ADGRV1: variants seen among roughly 807,000 people sequenced by gnomAD.
ADGRV1 encodes adhesion G protein-coupled receptor V1.
Under a neutral mutation model 596.2 loss-of-function variants are expected in ADGRV1, and 359 were observed. The ratio of observed to expected loss-of-function variants is 0.60; its 90% CI spans 0.55 to 0.66. ADGRV1 has a LOEUF of 0.66. Ranked by LOEUF, ADGRV1 falls within the 30% of genes least tolerant of loss-of-function variation. The probability of loss-of-function intolerance (pLI) is 0.00; values close to 1 mark genes in which losing one functional copy is unlikely to be tolerated. For synonymous variants in ADGRV1, 2,681 were observed against 2,679.2 expected, an observed-to-expected ratio of 1.00 and a Z score of -0.02; for missense variants, 7,274 against 7,575.6, an observed-to-expected ratio of 0.96 and a Z score of 1.48.
At chr5:91,039,492 G>T (rs6888594) in intron 85 of ADGRV1, among the ~76,000 whole-genome samples, 2,527 of 152,306 alleles carry the variant, frequency 0.017, 78 homozygotes, top group African/African-American at 0.057. Flanking sequence ...TCCAAGTTGG[G>T]TCACTTGCTT....
chr5:90,961,506 A>AGG (rs1562004725), intron 83 of ADGRV1, among the ~76,000 whole-genome samples: 1 of 103,754 alleles, frequency 9.6e-6, no homozygotes, highest in East Asian at 3.7e-4. Flanking sequence ...AAAAAAAAAA[A>AGG]AGGGGGGGTG....
intron 87 of ADGRV1, among the ~76,000 whole-genome samples, chr5:91,122,618 G>A (rs1793422089): frequency 6.6e-6 from 1 of 152,152 alleles, no homozygotes; most frequent in Non-Finnish European, 1.5e-5. Flanking sequence ...AGTTTTTATT[G>A]GATTGTATCT....
At chr5:90,762,379 T>C (rs1756604268) in intron 58 of ADGRV1, among the ~76,000 whole-genome samples, 1 of 152,144 alleles carries the variant, frequency 6.6e-6, no homozygotes, top group Non-Finnish European at 1.5e-5. Flanking sequence ...TGACACACAA[T>C]AGAAGCTCAT....
chr5:91,095,203 A>C (rs1339884513), intron 86 of ADGRV1, among the ~76,000 whole-genome samples: 1 of 151,490 alleles, frequency 6.6e-6, no homozygotes, highest in African/African-American at 2.4e-5. Context: ...TTGCAAACCC[A>C]GTATTTTTTT....
rs771551901 is a variant in ADGRV1, at chr5:90,644,717, G to A, written c.2746G>A (p.Val916Ile). The A allele has an allele frequency of 1.2e-6, 2 of 1,608,112 alleles. No individual in the cohort carries two copies. The highest frequency in any genetic ancestry group is 1.7e-5 in the Admixed American group (1 of 59,194). Residue 916 changes from valine to isoleucine, a missense_variant, in exon 15 of 90, where the codon GTA becomes ATA. Physicochemically the swap from Val to Ile is conservative, Grantham distance 29. This residue lies in a region of ADGRV1 where 1,715 missense variants were observed against 1,708.8 expected (regional missense o/e 1.00). Transcript: ENST00000405460. Reference protein sequence around the residue: ...GDAIYSAVYDVVRNRGNFGDV... With the variant: ...GDAIYSAVYDIVRNRGNFGDV... ...TTTCCATTTCACAGCTGTTTATGAT[G>A]TAGTAAGAAATCGAGGCAACTTTGG...
intron 20 of ADGRV1, among the ~76,000 whole-genome samples, chr5:90,656,979 A>G (rs1052299782): frequency 3.9e-5 from 6 of 152,068 alleles, no homozygotes; most frequent in Admixed American, 1.3e-4. Context: ...TTTTACATCT[A>G]TTCTCTTAGT....
At chr5:90,762,891 C>T (rs1157896375) in intron 58 of ADGRV1, 1 of 154,004 alleles carries the variant, frequency 6.5e-6, no homozygotes, top group Non-Finnish European at 1.4e-5. Flanking sequence ...TCTTATTCAG[C>T]TGGCAGCTCT....
At chr5:90,784,504 C>T (rs534544030) in intron 67 of ADGRV1, among the ~76,000 whole-genome samples, 8 of 152,126 alleles carry the variant, frequency 5.3e-5, no homozygotes, top group Non-Finnish European at 8.8e-5. Context: ...GACACAATTG[C>T]GAGTGCTGTT....
intron 1 of ADGRV1, 46 bp downstream of exon 1, chr5:90,558,963 A>G (rs1409838183): frequency 1.3e-6 from 2 of 1,527,828 alleles, no homozygotes; most frequent in Non-Finnish European, 1.8e-6. Context: ...GCTGAGCCCC[A>G]GGGGAGCGCC....
intron 85 of ADGRV1, among the ~76,000 whole-genome samples, chr5:91,029,276 T>A (rs1010094098): frequency 3.2e-4 from 49 of 152,234 alleles, no homozygotes; most frequent in Non-Finnish European, 1.3e-4. Flanking sequence ...ATCAATATAA[T>A]GTTTTAGATG....
At chr5:90,905,782 T>TGAAA (rs1460093677) in intron 83 of ADGRV1, among the ~76,000 whole-genome samples, 4 of 152,144 alleles carry the variant, frequency 2.6e-5, no homozygotes, top group Non-Finnish European at 5.9e-5. Flanking sequence ...ATAATGGTAG[T>TGAAA]GAAAGTAGGC....
Position 91,150,161 on chromosome 5 carries a change from G to A in ADGRV1, c.18564G>A (p.Met6188Ile). ...STAFFTPGSGMPPAGGEISKS... is the reference protein window; with the variant it reads ...STAFFTPGSGIPPAGGEISKS... Reference sequence around the variant, plus strand: ...CCTTTTTCACGCCCGGGAGTGGAATGCCTCCTGCTGGAGGGGAAATCAGCA... The same window carrying A: ...CCTTTTTCACGCCCGGGAGTGGAATACCTCCTGCTGGAGGGGAAATCAGCA... Residue 6188 changes from methionine (M) to isoleucine (I), a missense_variant, in exon 88 of 90, where the codon ATG becomes ATA. By Grantham distance (10) the Met-to-Ile change is conservative (BLOSUM62 1). Around this residue, in one of 5 missense-constraint regions of ADGRV1, gnomAD observed 1,874 missense variants for 1,970.2 expected, o/e 0.95. Transcript: ENST00000405460. 2 of 1,596,060 alleles carry A rather than the reference G, an allele frequency of 1.3e-6. No homozygotes were observed. Among genetic ancestry groups the A allele is most frequent in the Non-Finnish European group, 1.7e-6 (2 of 1,172,562 alleles).
rs2150769630 is a variant in ADGRV1, at chr5:90,926,377, A to C, written c.17857-39038A>C. Among the ~76,000 whole-genome samples, 3 of 150,066 alleles carry C rather than the reference A, an allele frequency of 2.0e-5. No homozygotes were observed. The South Asian group carries it at 6.4e-4, about 32-fold the overall frequency. On this transcript the variant is annotated intron_variant, in intron 83 of 89. Transcript: ENST00000405460. ...TAGTCTTGGGAGAGTGTATGTGTCG[A>C]GGAATTTATCCATTTCTTCTAGATT...
intron 77 of ADGRV1, among the ~76,000 whole-genome samples, chr5:90,834,205 T>G (rs1764764358): frequency 6.6e-6 from 1 of 152,234 alleles, no homozygotes; most frequent in Non-Finnish European, 1.5e-5. Flanking sequence ...TATAGTATTC[T>G]GTAATTTTCT....
At chr5:90,767,614 G>T (rs578094832) in intron 59 of ADGRV1, among the ~76,000 whole-genome samples, 7 of 150,866 alleles carry the variant, frequency 4.6e-5, no homozygotes, top group African/African-American at 1.7e-4. Flanking sequence ...AACATTAAAA[G>T]CTCAGTAGGT....
chr5:90,569,354 GATATATATAT>G lies in ADGRV1; in HGVS notation c.22+10462_22+10471del, dbSNP rs1185532852. Among the ~76,000 whole-genome samples, 73 of 12,792 alleles carry G rather than the reference GATATATATAT, an allele frequency of 5.7e-3. 1 individual carries two copies. The highest frequency in any genetic ancestry group is 0.012 in the South Asian group (3 of 244). The allele number at this position is 12,792 out of a possible 152,430, so 8.4% of individuals were successfully genotyped here. On this transcript the variant is annotated intron_variant, in intron 1 of 89. Transcript: ENST00000405460. ...GCTTTCTTTTGGTTTCTGTTTGCAT[GATATATATAT>G]ATATATATATATATATATATATATT...
intron 83 of ADGRV1, among the ~76,000 whole-genome samples, chr5:90,932,575 G>T (rs530278208): frequency 6.6e-6 from 1 of 152,132 alleles, no homozygotes; most frequent in Admixed American, 6.5e-5. Flanking sequence ...GATATCAAGT[G>T]TTCACTAAAA....
In ADGRV1 at chr5:90,763,448, T is replaced by C. The variant is rs760778915; in HGVS notation, c.12264T>C (p.Asn4088=). Reference sequence around the variant, plus strand: ...CTAAACATAACCTTAGTCCTTTGAATGGGACCCTTCATTTTGATGAGGTAT... The same window carrying C: ...CTAAACATAACCTTAGTCCTTTGAACGGGACCCTTCATTTTGATGAGGTAT... ...EKAKHNLSPL[N]GTLHFDETES... is the part of the protein sequence containing the mutation. The change falls in exon 59 of 90, where the codon AAT becomes AAC. Residue 4088 remains asparagine, a synonymous_variant. Transcript: ENST00000405460. The C allele has an allele frequency of 6.2e-7, 1 of 1,613,118 alleles. No individual in the cohort carries two copies. The highest frequency in any genetic ancestry group is 1.3e-5 in the African/African-American group (1 of 75,050).
chr5:90,658,129 G>A lies in ADGRV1; in HGVS notation c.4603G>A (p.Glu1535Lys), dbSNP rs761612567. The A allele has an allele frequency of 1.2e-5, 19 of 1,613,698 alleles. No homozygotes were observed. The highest frequency in any genetic ancestry group is 2.2e-5 in the East Asian group (1 of 44,854). Residue 1535 changes from glutamate (E) to lysine (K), a missense_variant, in exon 21 of 90, where the codon GAG becomes AAG. Coordinates refer to ENST00000405460, the MANE Select transcript of ADGRV1 (RefSeq NM_032119.4). ...TATTTCTGCAAGAGATGACAATGAC[G>A]AGGAAGGAGAAGAATTATTCATTCT... ...FIISARDDND[E>K]EGEELFILKL...
Sources: allele counts gnomAD v4.1 joint callset (sites outside exome capture counted in the v4.1 genomes callset), GRCh38; gene constraint gnomAD v4.1.1; regional missense constraint gnomAD v4.1.1; transcripts MANE v1.5; gene names NCBI Gene and HGNC (gene_info 2026-07-23, HGNC 2026-07-21).